Variants in TMC5 observed in about 807,000 individuals in gnomAD.
TMC5 encodes the protein transmembrane channel-like protein 5.
Under a neutral mutation model 110.5 loss-of-function variants are expected in TMC5, and 86 were observed. The observed-to-expected ratio is 0.78, with a 90% CI of 0.65 to 0.93. The LOEUF is 0.93. Among genes scored for constraint, TMC5 ranks in the 40% least tolerant of loss-of-function variants. The pLI is 0.00. For synonymous variants in TMC5, 455 were observed against 439.5 expected, an observed-to-expected ratio of 1.04 and a Z score of -0.44; for missense variants, 1,144 against 1,222.8, an observed-to-expected ratio of 0.94 and a Z score of 0.96.
chr16:19,448,858 T>A (rs12921466), intron 4 of TMC5, among the ~76,000 whole-genome samples: 7,984 of 142,742 alleles, frequency 0.056, 540 homozygotes, highest in East Asian at 0.34. Flanking sequence ...TATATGTATT[T>A]TTTTCTTTTT....
upstream of TMC5, among the ~76,000 whole-genome samples, chr16:19,413,963 A>G (rs1480970755): frequency 6.6e-6 from 1 of 152,214 alleles, no homozygotes; most frequent in Admixed American, 6.5e-5. Flanking sequence ...CAACCCACAC[A>G]TAGACGGTGA....
intron 6 of TMC5, among the ~76,000 whole-genome samples, chr16:19,460,889 C>T (rs957619060): frequency 6.6e-6 from 1 of 152,154 alleles, no homozygotes; most frequent in African/African-American, 2.4e-5. Flanking sequence ...GGTGTGGTGG[C>T]TCACGCCTGT....
At chr16:19,485,434 C>T (rs537916113) in intron 15 of TMC5, among the ~76,000 whole-genome samples, 4 of 152,182 alleles carry the variant, frequency 2.6e-5, no homozygotes, top group African/African-American at 9.6e-5. Flanking sequence ...GATGTCAAAA[C>T]GTCAGGTGCC....
upstream of TMC5, among the ~76,000 whole-genome samples, chr16:19,414,988 A>G (rs1194317566): frequency 6.6e-6 from 1 of 152,126 alleles, no homozygotes; most frequent in Admixed American, 6.5e-5. Context: ...CTGGGTGACA[A>G]AGCAAGGCTC....
At chr16:19,453,966 C>T (rs2143530715) in intron 5 of TMC5, among the ~76,000 whole-genome samples, 1 of 152,290 alleles carries the variant, frequency 6.6e-6, no homozygotes, top group African/African-American at 2.4e-5. Context: ...AATCCTCCCG[C>T]CTCAGCCTCC....
chr16:19,417,007 T>C (rs1279508575), upstream of TMC5, among the ~76,000 whole-genome samples: 1 of 145,988 alleles, frequency 6.8e-6, no homozygotes, highest in East Asian at 2.0e-4. Context: ...GGCAGGAGAA[T>C]CACTTGAACC....
chr16:19,463,947 TTCA>T lies in TMC5; in HGVS notation c.1413_1415del (p.Ile473del). 1.2e-6 allele frequency: 2 copies of T among 1,614,202 alleles called. No individual in the cohort carries two copies. The highest frequency in any genetic ancestry group is 1.7e-6 in the Non-Finnish European group (2 of 1,180,032). Reference sequence around the variant, plus strand: ...TTTCTCATTCATCCTGAACTTCAGCTTCATCATAATCCCTCAGTTTACCGTGGC... The same window carrying T: ...TTTCTCATTCATCCTGAACTTCAGCTTCATAATCCCTCAGTTTACCGTGGC... On this transcript the variant is annotated inframe_deletion, in exon 8 of 22. Transcript: ENST00000542583.
At chr16:19,428,190 A>C (rs1967125373) in intron 1 of TMC5, among the ~76,000 whole-genome samples, 1 of 152,202 alleles carries the variant, frequency 6.6e-6, no homozygotes, top group African/African-American at 2.4e-5. Flanking sequence ...ATGTAAAATA[A>C]AATAATCTTC....
At chr16:19,482,118 G>T (rs1968632784) in intron 15 of TMC5, among the ~76,000 whole-genome samples, 1 of 152,148 alleles carries the variant, frequency 6.6e-6, no homozygotes, top group African/African-American at 2.4e-5. Context: ...GGAGTGCAGT[G>T]GTGTGATTTC....
chr16:19,426,062 C>T (rs1967083714), intron 1 of TMC5, among the ~76,000 whole-genome samples: 1 of 152,190 alleles, frequency 6.6e-6, no homozygotes, highest in Non-Finnish European at 1.5e-5. Context: ...CAGTGCCTGG[C>T]ACTGATATAT....
intron 9 of TMC5, among the ~76,000 whole-genome samples, 183 bp downstream of exon 9, chr16:19,466,416 A>T (rs971878544): frequency 2.0e-5 from 3 of 152,026 alleles, no homozygotes; most frequent in Non-Finnish European, 4.4e-5. Context: ...CAGTGGCGCA[A>T]TCTGGGCTCA....
rs867154252 is a variant in TMC5 at position 19,496,172 on chromosome 16, A to T, written c.2932-949A>T. ...GACTCCGTGTCAAAAAAAAAAAAAA[A>T]TTAAAAAGTTATTTTTTGTGAATAT... On this transcript the variant is annotated intron_variant, in intron 20 of 21. Transcript: ENST00000542583. Among the ~76,000 whole-genome samples the T allele has an allele frequency of 4.6e-5, 7 of 151,492 alleles. No homozygotes were observed. The South Asian group carries it at 6.3e-4, about 14-fold the overall frequency.
At chr16:19,492,325 A>G (rs1968928690) in intron 19 of TMC5, 97 bp downstream of exon 19, 2 of 777,532 alleles carry the variant, frequency 2.6e-6, no homozygotes, top group South Asian at 3.6e-5. Flanking sequence ...ATGAACTCTC[A>G]TATCCCTGCT....
At chr16:19,454,550 T>G (rs912616189) in intron 5 of TMC5, among the ~76,000 whole-genome samples, 2 of 152,218 alleles carry the variant, frequency 1.3e-5, no homozygotes, top group African/African-American at 4.8e-5. Flanking sequence ...AGCGTAAATG[T>G]TGTGCTCTAT....
intron 1 of TMC5, among the ~76,000 whole-genome samples, chr16:19,427,839 C>G (rs1462170694): frequency 2.3e-5 from 3 of 131,594 alleles, no homozygotes; most frequent in Non-Finnish European, 5.2e-5. Context: ...TGCTCTAGAT[C>G]CATAGTTTCT....
intron 6 of TMC5, chr16:19,462,559 C>A (rs942742301): frequency 2.9e-6 from 2 of 701,740 alleles, no homozygotes; most frequent in South Asian, 3.0e-5. Flanking sequence ...GCACATCTTA[C>A]GTGGTGGTAG....
chr16:19,492,203 G>A lies in TMC5; in HGVS notation c.2801G>A (p.Arg934Lys). The A allele has an allele frequency of 6.2e-7, 1 of 1,613,668 alleles. No individual in the cohort carries two copies. Among genetic ancestry groups the A allele is most frequent in the African/African-American group, 1.3e-5 (1 of 75,014 alleles). The change falls in exon 19 of 22, where the codon AGG becomes AAG. Residue 934 changes from arginine to lysine, a missense_variant. By Grantham distance (26) the Arg-to-Lys change is conservative. Coordinates refer to ENST00000542583, the MANE Select transcript of TMC5 (RefSeq NM_001261841.2). ...ACAGAGGGAAGGAAGATTATGATAA[G>A]GCTGCTCCATGAGCAGATCATTAAT... ...QITEGRKIMI[R>K]LLHEQIINEG...
At chr16:19,418,467 C>T (rs1597153090) in intron 1 of TMC5, among the ~76,000 whole-genome samples, 1 of 152,068 alleles carries the variant, frequency 6.6e-6, no homozygotes, top group Non-Finnish European at 1.5e-5. Flanking sequence ...TAATAAAATA[C>T]GGTGCACGAC....
At chr16:19,488,414 C>G (rs1339633550) in intron 17 of TMC5, among the ~76,000 whole-genome samples, 1 of 152,068 alleles carries the variant, frequency 6.6e-6, no homozygotes, top group East Asian at 1.9e-4. Context: ...CCCCCCACCC[C>G]GTTCCTCCAC....
Sources: allele counts gnomAD v4.1 joint callset (sites outside exome capture counted in the v4.1 genomes callset), GRCh38; gene constraint gnomAD v4.1.1; transcripts MANE v1.5; gene names NCBI Gene and HGNC (gene_info 2026-07-23, HGNC 2026-07-21).